Variants in P2RX7 observed in about 807,000 individuals in gnomAD.
P2RX7 encodes P2X purinoceptor 7.
In P2RX7, 62 loss-of-function variants were observed where a neutral mutation model predicts 71.6. The observed-to-expected ratio is 0.87, with a 90% CI of 0.71 to 1.07. The LOEUF (loss-of-function observed/expected upper bound fraction) is 1.07, where lower values mean the gene tolerates loss of function less well. Ranked by LOEUF, P2RX7 falls within the 50% of genes least tolerant of loss-of-function variation. The probability of loss-of-function intolerance (pLI) is 0.00; values close to 1 mark genes in which losing one functional copy is unlikely to be tolerated. For missense variants in P2RX7, 686 were observed against 748.5 expected, an observed-to-expected ratio of 0.92 and a Z score of 0.97; for synonymous variants, 299 against 283.3, an observed-to-expected ratio of 1.06 and a Z score of -0.56.
intron 1 of P2RX7, among the ~76,000 whole-genome samples, chr12:121,143,823 G>T (rs1200841620): frequency 6.6e-6 from 1 of 152,192 alleles, no homozygotes; most frequent in African/African-American, 2.4e-5. Context: ...TTGCACTCCA[G>T]CCTGGTGGCA....
intron 8 of P2RX7, among the ~76,000 whole-genome samples, chr12:121,174,672 C>T (rs1014418164): frequency 3.3e-5 from 5 of 152,100 alleles, no homozygotes; most frequent in Non-Finnish European, 7.3e-5. Flanking sequence ...GATTTACCAC[C>T]GCCCACTCCC....
At chr12:121,139,822 C>T (rs1874470006) in intron 1 of P2RX7, among the ~76,000 whole-genome samples, 1 of 151,330 alleles carries the variant, frequency 6.6e-6, no homozygotes. Context: ...GCAACCCCCA[C>T]CTCCTGGGTT....
At chr12:121,159,446 A>G (rs1183735745) in intron 3 of P2RX7, among the ~76,000 whole-genome samples, 2 of 151,074 alleles carry the variant, frequency 1.3e-5, no homozygotes, top group African/African-American at 4.9e-5. Flanking sequence ...AAAAAGACAA[A>G]TCTGTTCACC....
chr12:121,162,442 G>T lies in P2RX7; in HGVS notation c.455G>T (p.Cys152Phe). ...CCTATAGGAATTCAGACCGGAAGGT[G>T]TGTAGTGTATGAAGGGAACCAGAAG... ...PQSKGIQTGR[C>F]VVYEGNQKTC... The change falls in exon 5 of 13, where the codon TGT (cysteine) becomes TTT (phenylalanine). Residue 152 changes from cysteine (C) to phenylalanine (F), a missense_variant. Cys to Phe is a radical substitution (Grantham distance 205). Transcript: ENST00000328963. 6.2e-7 allele frequency: 1 copy of T among 1,613,986 alleles called. No individual in the cohort carries two copies. The highest frequency in any genetic ancestry group is 8.5e-7 in the Non-Finnish European group (1 of 1,179,984).
chr12:121,133,074 T>C lies in P2RX7; in HGVS notation c.104T>C (p.Val35Ala), dbSNP rs749221204. Reference sequence around the variant, plus strand: ...GGCACCATTAAGTGGTTCTTCCACGTGATCATCTTTTCCTACGTTTGGTAA... The same window carrying C: ...GGCACCATTAAGTGGTTCTTCCACGCGATCATCTTTTCCTACGTTTGGTAA... The part of the protein sequence containing the change: ...NYGTIKWFFH[V>A]IIFSYVCFAL... The change falls in exon 1 of 13, where the codon GTG becomes GCG. Residue 35 changes from valine to alanine, a missense_variant. Coordinates refer to ENST00000328963, the MANE Select transcript of P2RX7 (RefSeq NM_002562.6). 6 of 1,614,176 alleles carry C rather than the reference T, an allele frequency of 3.7e-6. No individual in the cohort carries two copies. The Admixed American group carries it at 1.0e-4, about 27-fold the overall frequency.
In P2RX7 at chr12:121,185,515, C is replaced by G. The variant is rs943574514; in HGVS notation, c.*713C>G. ...GACTAGGATAATGTCCAACTAAAAACAAACCCTTTTCATCCTGGCTGGAGA... is the reference window on the plus strand; with the variant it reads ...GACTAGGATAATGTCCAACTAAAAAGAAACCCTTTTCATCCTGGCTGGAGA... On this transcript the variant is annotated 3_prime_UTR_variant, in exon 13 of 13. Transcript: ENST00000328963. 6.6e-6 allele frequency: 1 copy of G among 152,660 alleles called. No homozygotes were observed. The highest frequency in any genetic ancestry group is 2.4e-5 in the African/African-American group (1 of 41,444). 9.5% of individuals were successfully genotyped at this position (152,660 alleles called of 1,614,324 possible). A position where few individuals can be genotyped will look rare whatever the true frequency, so the allele number is the denominator to read the frequency against.
chr12:121,136,023 A>AAAAAAATATATATAT, intron 1 of P2RX7, among the ~76,000 whole-genome samples: 25 of 15,250 alleles, frequency 1.6e-3, no homozygotes, highest in East Asian at 3.9e-3. Flanking sequence ...AAAAAAAAAA[A>AAAAAAATATATATAT]ATATATATAT....
At chr12:121,141,563 A>G (rs916560421) in intron 1 of P2RX7, among the ~76,000 whole-genome samples, 4 of 152,242 alleles carry the variant, frequency 2.6e-5, no homozygotes, top group African/African-American at 9.6e-5. Flanking sequence ...GTACTGAGAA[A>G]GCATGGAGAG....
At position 121,146,251 on chromosome 12, in the gene P2RX7, A is replaced by G. The variant is rs16950831; in HGVS notation, c.126-8534A>G. Among the ~76,000 whole-genome samples the G allele has an allele frequency of 5.5e-3, 815 of 147,308 alleles. 18 individuals carry two copies. The East Asian group carries it at 0.065, about 12-fold the overall frequency. ...ACCCGACCCTCTACTGTCCCAGCCA[A>G]GTTCACATGACCATCCTCTTATTTG... On this transcript the variant is annotated intron_variant, in intron 1 of 12. Transcript: ENST00000328963.
At chr12:121,167,817 ATT>A (rs879467840) in intron 8 of P2RX7, among the ~76,000 whole-genome samples, 193 bp downstream of exon 8, 2 of 136,798 alleles carry the variant, frequency 1.5e-5, no homozygotes. Flanking sequence ...TTTTTTACTT[ATT>A]TTTTTTTTTT....
rs1883296898 is a variant in P2RX7, at chr12:121,177,179, G to A, written c.1005G>A (p.Val335=). The A allele has an allele frequency of 6.2e-7, 1 of 1,614,076 alleles. No individual in the cohort carries two copies. The highest frequency in any genetic ancestry group is 1.1e-5 in the South Asian group (1 of 91,080). Residue 335 remains valine (V), a synonymous_variant, in exon 10 of 13, where the codon GTG becomes GTA. Transcript: ENST00000328963. ...AATTTGACATTATCCAGCTGGTTGT[G>A]TACATCGGCTCAACCCTCTCCTACT... is the stretch of plus-strand genomic sequence containing the variant. The part of the protein sequence containing the change: ...GGKFDIIQLV[V]YIGSTLSYFG...
intron 3 of P2RX7, among the ~76,000 whole-genome samples, chr12:121,159,770 G>A (rs963543034): frequency 6.6e-5 from 10 of 151,962 alleles, no homozygotes; most frequent in African/African-American, 2.4e-5. Flanking sequence ...TCATTTTCTT[G>A]GGCCAGGCGA....
intron 1 of P2RX7, among the ~76,000 whole-genome samples, chr12:121,152,319 T>A (rs1388219910): frequency 4.0e-5 from 6 of 151,868 alleles, no homozygotes; most frequent in Admixed American, 3.9e-4. Context: ...CATCTCATTT[T>A]AAAAAATTAT....
chr12:121,171,478 C>T (rs1384161488), intron 8 of P2RX7, among the ~76,000 whole-genome samples: 6 of 150,108 alleles, frequency 4.0e-5, no homozygotes, highest in African/African-American at 1.5e-4. Flanking sequence ...GATTTGATCT[C>T]TCCTTTATCT....
At chr12:121,144,445 G>A (rs905220140) in intron 1 of P2RX7, among the ~76,000 whole-genome samples, 2 of 152,286 alleles carry the variant, frequency 1.3e-5, no homozygotes, top group South Asian at 4.1e-4. Context: ...TGGGCCACCC[G>A]CCTTGGCCTC....
At chr12:121,143,412 G>A (rs979789825) in intron 1 of P2RX7, among the ~76,000 whole-genome samples, 7 of 151,568 alleles carry the variant, frequency 4.6e-5, no homozygotes, top group African/African-American at 1.7e-4. Context: ...AAATTAACCA[G>A]GCATGGTGCT....
intron 2 of P2RX7, 55 bp downstream of exon 2, chr12:121,155,008 CT>C (rs1878282424): frequency 1.2e-6 from 2 of 1,602,400 alleles, no homozygotes; most frequent in Non-Finnish European, 8.5e-7. Context: ...TCGCCAGGGC[CT>C]AGCTCCCTTC....
intron 1 of P2RX7, among the ~76,000 whole-genome samples, chr12:121,140,292 C>G (rs1324579697): frequency 6.6e-6 from 1 of 152,184 alleles, no homozygotes; most frequent in Non-Finnish European, 1.5e-5. Flanking sequence ...GCAGCCGGAG[C>G]TGAGGGCAGC....
chr12:121,185,098 G>C lies in P2RX7; in HGVS notation c.*296G>C. The stretch of plus-strand genomic sequence containing the variant: ...AACTGTCCCCCAAAAAAAAAAAAGA[G>C]TCCTTACCAATAGCAGGGGCTGCAG... On this transcript the variant is annotated 3_prime_UTR_variant, in exon 13 of 13. Coordinates refer to ENST00000328963, the MANE Select transcript of P2RX7 (RefSeq NM_002562.6). The C allele has an allele frequency of 3.8e-6, 1 of 263,952 alleles. No homozygotes were observed. The highest frequency in any genetic ancestry group is 7.2e-6 in the Non-Finnish European group (1 of 138,878). The allele number at this position is 263,952 out of a possible 1,614,324, so 16.4% of individuals were successfully genotyped here.
Sources: gnomAD v4.1 joint callset for allele counts (sites outside exome capture counted in the v4.1 genomes callset) on GRCh38, gnomAD v4.1.1 for gene constraint, MANE v1.5 for transcripts, NCBI Gene and HGNC (gene_info 2026-07-23, HGNC 2026-07-21) for gene names.